The following SORT1 variants were observed in gnomAD, a reference collection of about 807,000 sequenced individuals.
SORT1 encodes the protein sortilin.
SORT1 carries 39 observed loss-of-function variants against 101.7 expected under a neutral mutation model. That is an observed-to-expected ratio of 0.38 (90% CI 0.30 to 0.50). The LOEUF is 0.50. SORT1 is among the 20% of genes least tolerant of loss of function. SORT1 has a pLI of 0.90. For missense variants in SORT1, 878 were observed against 1,040.4 expected (o/e 0.84, Z 2.15); for synonymous variants, 396 against 393.7 (o/e 1.01, Z -0.07).
intron 6 of SORT1, among the ~76,000 whole-genome samples, chr1:109,348,279 GGT>G (rs1292961056): frequency 6.6e-6 from 1 of 152,022 alleles, no homozygotes; most frequent in Non-Finnish European, 1.5e-5. Context: ...ACCAAAAAAA[GGT>G]GTTGGTTTTG....
chr1:109,386,605 C>A (rs1243967714), intron 1 of SORT1, among the ~76,000 whole-genome samples: 1 of 152,178 alleles, frequency 6.6e-6, no homozygotes, highest in Non-Finnish European at 1.5e-5. Flanking sequence ...ATACTCCTAG[C>A]ACTTTGGGAG....
Position 109,312,157 on chromosome 1 carries a change from C to A in SORT1, c.*1886G>T, listed in dbSNP as rs1658766319. 1 of 152,132 alleles carries A rather than the reference C, an allele frequency of 6.6e-6. No individual in the cohort carries two copies. The highest frequency in any genetic ancestry group is 2.4e-5 in the African/African-American group (1 of 41,418). The allele number at this position is 152,132 out of a possible 1,614,324, so 9.4% of individuals were successfully genotyped here. ...AGAAAGGTGAGTGGTATAAACAGTT[C>A]TTTTCTGAGTACCAAATTCACTTTG... On this transcript the variant is annotated 3_prime_UTR_variant, in exon 20 of 20. Coordinates refer to ENST00000256637, the MANE Select transcript of SORT1 (RefSeq NM_002959.7).
intron 15 of SORT1, among the ~76,000 whole-genome samples, chr1:109,320,476 C>T (rs1647548559): frequency 6.6e-6 from 1 of 152,176 alleles, no homozygotes; most frequent in Non-Finnish European, 1.5e-5. Context: ...TCCCCAATGG[C>T]CTATCTTCCA....
At chr1:109,349,893 G>A (rs1000497905) in intron 6 of SORT1, among the ~76,000 whole-genome samples, 1 of 152,204 alleles carries the variant, frequency 6.6e-6, no homozygotes, top group Non-Finnish European at 1.5e-5. Context: ...CTAGAGTACA[G>A]GAAACTCTTG....
intron 16 of SORT1, among the ~76,000 whole-genome samples, chr1:109,317,628 G>T (rs540700485): frequency 6.6e-6 from 1 of 152,282 alleles, no homozygotes; most frequent in African/African-American, 2.4e-5. Context: ...TTGTTCTCCT[G>T]CTCTGCCTCG....
chr1:109,367,568 A>C, intron 2 of SORT1, 87 bp from the exon 3 acceptor site: 3 of 815,022 alleles, frequency 3.7e-6, no homozygotes, highest in Non-Finnish European at 4.1e-6. Context: ...AACACCTAAA[A>C]GACTTTTGAT....
chr1:109,351,314 G>A lies in SORT1; in HGVS notation c.709-312C>T, dbSNP rs141283059. Among the ~76,000 whole-genome samples, 86 of 152,302 alleles carry A rather than the reference G, an allele frequency of 5.6e-4. No homozygotes were observed. In the East Asian group the frequency reaches 0.013, roughly 23 times the overall value. On this transcript the variant is annotated intron_variant, in intron 5 of 19. Transcript: ENST00000256637. ...GAAGGGGCTCACAGTTTAACAAGGC[G>A]CATAGATAAGAAGAAAGTTCAACAC...
chr1:109,379,254 T>A (rs1237436160), intron 1 of SORT1, among the ~76,000 whole-genome samples: 4 of 151,640 alleles, frequency 2.6e-5, no homozygotes, highest in Admixed American at 1.3e-4. Context: ...AGAAAAATTG[T>A]CTTGGGCCAC....
intron 1 of SORT1, among the ~76,000 whole-genome samples, chr1:109,391,805 T>C (rs182692456): frequency 6.6e-6 from 1 of 152,300 alleles, no homozygotes; most frequent in East Asian, 1.9e-4. Flanking sequence ...TCAAGCCCCA[T>C]TAATCCTCAA....
intron 8 of SORT1, among the ~76,000 whole-genome samples, chr1:109,344,632 CTT>C (rs952997735): frequency 2.0e-5 from 3 of 152,196 alleles, no homozygotes; most frequent in Non-Finnish European, 4.4e-5. Flanking sequence ...ACTCCTGACA[CTT>C]TGTTTTCTTA....
intron 11 of SORT1, among the ~76,000 whole-genome samples, chr1:109,334,519 T>C (rs1648676711): frequency 6.6e-6 from 1 of 152,130 alleles, no homozygotes; most frequent in African/African-American, 2.4e-5. Flanking sequence ...ATGGTGGCTT[T>C]TGGGGCTTGG....
At chr1:109,341,016 T>C in intron 9 of SORT1, 137 bp from the exon 10 acceptor site, 2 of 643,440 alleles carry the variant, frequency 3.1e-6, no homozygotes, top group South Asian at 4.2e-5. Flanking sequence ...GACTCAGACC[T>C]GAGAATTAAT....
rs1010360281 is a variant in SORT1, at chr1:109,309,787, C to G, written c.*4256G>C. On this transcript the variant is annotated 3_prime_UTR_variant, in exon 20 of 20. Transcript: ENST00000256637. ...AAACTCGATTATCCCACCTCACATG[C>G]AATTTTCTGTCCTAAGGGAATAGAA... 1 of 152,250 alleles carries G rather than the reference C, an allele frequency of 6.6e-6. No homozygotes were observed. Among genetic ancestry groups the G allele is most frequent in the Non-Finnish European group, 1.5e-5 (1 of 68,030 alleles). 9.4% of individuals were successfully genotyped at this position (152,250 alleles called of 1,614,324 possible). A position where few individuals can be genotyped will look rare whatever the true frequency, so the allele number is the denominator to read the frequency against.
Position 109,313,906 on chromosome 1 carries a change from T to G in SORT1, c.*137A>C. Reference sequence around the variant, plus strand: ...CCTGCATTTCTTTAGTGTAGGTCCTTTTGGCTTTGATGGAAGCAGCAGAAA... The same window carrying G: ...CCTGCATTTCTTTAGTGTAGGTCCTGTTGGCTTTGATGGAAGCAGCAGAAA... On this transcript the variant is annotated 3_prime_UTR_variant, in exon 20 of 20. Transcript: ENST00000256637. The G allele has an allele frequency of 1.1e-5, 8 of 733,010 alleles. No individual in the cohort carries two copies. The highest frequency in any genetic ancestry group is 1.1e-5 in the Non-Finnish European group (5 of 446,830). 45.4% of individuals were successfully genotyped at this position (733,010 alleles called of 1,614,324 possible). A position where few individuals can be genotyped will look rare whatever the true frequency, so the allele number is the denominator to read the frequency against.
Position 109,327,134 on chromosome 1 carries a change from T to C in SORT1, c.1501A>G (p.Met501Val). The C allele has an allele frequency of 1.2e-6, 2 of 1,613,466 alleles. No individual in the cohort carries two copies. The highest frequency in any genetic ancestry group is 1.7e-6 in the Non-Finnish European group (2 of 1,179,784). The change falls in exon 13 of 20, where the codon ATG (methionine) becomes GTG (valine). Residue 501 changes from methionine to valine, a missense_variant. By Grantham distance (21) the Met-to-Val change is conservative. Transcript: ENST00000256637. ...HGSVGDAISV[M>V]VPDVYISDDG... Reference sequence around the variant, plus strand: ...TCTGAGATGTACACATCTGGAACCATCACTGAGATGGCATCCCCCACGCTA... The same window carrying C: ...TCTGAGATGTACACATCTGGAACCACCACTGAGATGGCATCCCCCACGCTA...
At chr1:109,360,609 T>G (rs1650658650) in intron 3 of SORT1, among the ~76,000 whole-genome samples, 2 of 151,838 alleles carry the variant, frequency 1.3e-5, no homozygotes, top group Admixed American at 6.6e-5. Context: ...AGTGCTGGGA[T>G]TACAAGTATG....
Position 109,327,644 on chromosome 1 carries a change from G to A in SORT1, c.1372-43C>T, listed in dbSNP as rs964693800. On this transcript the variant is annotated intron_variant, in intron 11 of 19. Transcript: ENST00000256637. ...AGCGTAGATTAGAACCAAAGATAAAGATACAATTTCTTTAATCATTTCACA... is the reference window on the plus strand; with the variant it reads ...AGCGTAGATTAGAACCAAAGATAAAAATACAATTTCTTTAATCATTTCACA... 4 of 1,298,660 alleles carry A rather than the reference G, an allele frequency of 3.1e-6. No homozygotes were observed. In the African/African-American group the frequency reaches 6.0e-5, roughly 20 times the overall value. The allele number at this position is 1,298,660 out of a possible 1,614,324, so 80.4% of individuals were successfully genotyped here.
Position 109,396,738 on chromosome 1 carries a change from T to C in SORT1, c.306+849A>G, listed in dbSNP as rs567558987. 3.9e-5 allele frequency among the ~76,000 whole-genome samples: 6 copies of C among 152,268 alleles called. No homozygotes were observed. The East Asian group carries it at 5.8e-4, about 15-fold the overall frequency. ...GAAAACAGGCAAGGGAGAAAATATA[T>C]AGAATTGAAAATACATTATGCAAAT... On this transcript the variant is annotated intron_variant, in intron 1 of 19. Coordinates refer to ENST00000256637, the MANE Select transcript of SORT1 (RefSeq NM_002959.7).
At chr1:109,383,267 G>A (rs952627898) in intron 1 of SORT1, among the ~76,000 whole-genome samples, 4 of 152,148 alleles carry the variant, frequency 2.6e-5, no homozygotes, top group Non-Finnish European at 5.9e-5. Flanking sequence ...GACAAGCAAA[G>A]AAGGAAGTGA....
Sources: gnomAD v4.1 joint callset for allele counts (sites outside exome capture counted in the v4.1 genomes callset) on GRCh38, gnomAD v4.1.1 for gene constraint, MANE v1.5 for transcripts, NCBI Gene and HGNC (gene_info 2026-07-23, HGNC 2026-07-21) for gene names.